Variants in TLN2 observed in about 807,000 individuals in gnomAD.
TLN2 encodes the protein talin-2.
Under a neutral mutation model 294.7 loss-of-function variants are expected in TLN2, and 118 were observed. That is an observed-to-expected ratio of 0.40 (90% confidence interval 0.34 to 0.47). The LOEUF is 0.47. Among genes scored for constraint, TLN2 ranks in the 20% least tolerant of loss-of-function variants. The pLI is 0.84. For missense variants in TLN2, 3,083 were observed against 3,282.2 expected, an observed-to-expected ratio of 0.94 and a Z score of 1.48; for synonymous variants, 1,431 against 1,304.5, an observed-to-expected ratio of 1.10 and a Z score of -2.09.
At chr15:62,442,849 C>T (rs908816359) in intron 1 of TLN2, among the ~76,000 whole-genome samples, 5 of 152,152 alleles carry the variant, frequency 3.3e-5, no homozygotes, top group East Asian at 3.9e-4. Context: ...CTGTGATTTT[C>T]CTGGCGGCTC....
chr15:62,698,345 A>G (rs1209265002), intron 15 of TLN2, among the ~76,000 whole-genome samples: 1 of 152,236 alleles, frequency 6.6e-6, no homozygotes, highest in African/African-American at 2.4e-5. Flanking sequence ...CTGAAAAAGT[A>G]CATTGACCGT....
chr15:62,712,563 T>TA (rs5813161), intron 22 of TLN2, among the ~76,000 whole-genome samples: 144,046 of 152,244 alleles, frequency 0.95, 68,601 homozygotes, highest in Non-Finnish European at 1. Flanking sequence ...AGTTAAGAGT[T>TA]CCTTTATGCT....
At chr15:62,498,865 G>A (rs2039154877) in intron 1 of TLN2, among the ~76,000 whole-genome samples, 1 of 152,120 alleles carries the variant, frequency 6.6e-6, no homozygotes, top group African/African-American at 2.4e-5. Context: ...AACTATTAAA[G>A]GAATTTACCC....
At position 62,843,551 on chromosome 15, in the gene TLN2, G is replaced by C. The variant is rs1005393934; in HGVS notation, c.*2941G>C. On this transcript the variant is annotated 3_prime_UTR_variant, in exon 59 of 59. Coordinates refer to ENST00000636159, the MANE Select transcript of TLN2 (RefSeq NM_015059.3). ...TGCCCAGCCTGCAGTCTATGCACGG[G>C]CCTTAAGAAATGAGCTGCCTGTAGC... 1.3e-5 allele frequency: 2 copies of C among 152,220 alleles called. No homozygotes were observed. The highest frequency in any genetic ancestry group is 4.8e-5 in the African/African-American group (2 of 41,458). The allele number at this position is 152,220 out of a possible 1,614,324, so 9.4% of individuals were successfully genotyped here. A position where few individuals can be genotyped will look rare whatever the true frequency, so the allele number is the denominator to read the frequency against.
chr15:62,761,794 C>T lies in TLN2; in HGVS notation c.4752C>T (p.Val1584=). The stretch of plus-strand genomic sequence containing the variant: ...CGTTCGCCTCAAACCCTGAGTTTGT[C>T]AGCATTCCTGCCCAGATCAGCTCCG... ...LTAFASNPEF[V]SIPAQISSEG... Residue 1584 remains valine, a synonymous_variant, in exon 38 of 59, where the codon GTC becomes GTT. Coordinates refer to ENST00000636159, the MANE Select transcript of TLN2 (RefSeq NM_015059.3). The T allele has an allele frequency of 6.2e-7, 1 of 1,614,162 alleles. No homozygotes were observed. The highest frequency in any genetic ancestry group is 8.5e-7 in the Non-Finnish European group (1 of 1,180,032).
At chr15:62,643,398 T>G (rs1431171296) in intron 3 of TLN2, among the ~76,000 whole-genome samples, 1 of 141,650 alleles carries the variant, frequency 7.1e-6, no homozygotes, top group Non-Finnish European at 1.5e-5. Flanking sequence ...ATTAGTTTGG[T>G]TCCAGGATTT....
chr15:62,637,350 G>GT (rs2050484426), intron 3 of TLN2: 2 of 152,186 alleles, frequency 1.3e-5, no homozygotes, highest in African/African-American at 4.8e-5. Flanking sequence ...TCTGAAGCTT[G>GT]TAACAAGAGG....
At chr15:62,811,087 T>C (rs188051749) in intron 52 of TLN2, among the ~76,000 whole-genome samples, 2 of 152,252 alleles carry the variant, frequency 1.3e-5, no homozygotes, top group Non-Finnish European at 2.9e-5. Flanking sequence ...TCTCAATTCT[T>C]ACTATTCCCA....
At chr15:62,547,750 C>T (rs928496732) in intron 1 of TLN2, among the ~76,000 whole-genome samples, 1 of 152,210 alleles carries the variant, frequency 6.6e-6, no homozygotes, top group African/African-American at 2.4e-5. Flanking sequence ...CTTCAGCAAT[C>T]TGCAAATGGA....
intron 1 of TLN2, among the ~76,000 whole-genome samples, chr15:62,538,931 CA>C (rs544558747): frequency 5.9e-4 from 90 of 152,282 alleles, no homozygotes; most frequent in African/African-American, 1.9e-3. Flanking sequence ...CATAATAAAA[CA>C]TCTCTGTTCT....
chr15:62,515,306 T>C (rs1374467418), intron 1 of TLN2, among the ~76,000 whole-genome samples: 3 of 152,206 alleles, frequency 2.0e-5, no homozygotes, highest in African/African-American at 7.2e-5. Context: ...GACTGGTTTG[T>C]TCATTTTTAT....
chr15:62,665,062 C>A (rs950428679), intron 9 of TLN2, among the ~76,000 whole-genome samples: 5 of 152,010 alleles, frequency 3.3e-5, no homozygotes, highest in Admixed American at 1.3e-4. Flanking sequence ...GTTTCACACT[C>A]AACTATTTTT....
At chr15:62,416,288 C>T (rs2140263342) in intron 1 of TLN2, among the ~76,000 whole-genome samples, 1 of 152,306 alleles carries the variant, frequency 6.6e-6, no homozygotes, top group African/African-American at 2.4e-5. Flanking sequence ...CAGAGCAAGA[C>T]TCTATCTCAA....
intron 1 of TLN2, among the ~76,000 whole-genome samples, chr15:62,588,985 T>G (rs1440707725): frequency 6.6e-6 from 1 of 152,044 alleles, no homozygotes; most frequent in Admixed American, 6.6e-5. Flanking sequence ...CAACACCATT[T>G]GTTAACTAGT....
Position 62,774,953 on chromosome 15 carries a change from C to CTT in TLN2, c.5368-1791_5368-1790dup, listed in dbSNP as rs36003657. On this transcript the variant is annotated intron_variant, in intron 42 of 58. Coordinates refer to ENST00000636159, the MANE Select transcript of TLN2 (RefSeq NM_015059.3). Reference sequence around the variant, plus strand: ...TCATATGAATGTGTAGAATTGCTGGCTTTTTTTTTTTTTTTTTTTTTGAGA... The same window carrying CTT: ...TCATATGAATGTGTAGAATTGCTGGCTTTTTTTTTTTTTTTTTTTTTTTGAGA... Among the ~76,000 whole-genome samples, 915 of 101,486 alleles carry CTT rather than the reference C, an allele frequency of 9.0e-3. 28 individuals carry two copies. The highest frequency in any genetic ancestry group is 0.012 in the Non-Finnish European group (626 of 50,186). 66.6% of individuals were successfully genotyped at this position (101,486 alleles called of 152,430 possible).
intron 3 of TLN2, among the ~76,000 whole-genome samples, chr15:62,640,922 C>G (rs1227235362): frequency 6.6e-6 from 1 of 152,128 alleles, no homozygotes; most frequent in Non-Finnish European, 1.5e-5. Flanking sequence ...CTGCCTCAGC[C>G]TCCTGGGTGG....
At chr15:62,559,431 A>G (rs1344249816) in intron 1 of TLN2, among the ~76,000 whole-genome samples, 2 of 152,140 alleles carry the variant, frequency 1.3e-5, no homozygotes, top group Non-Finnish European at 2.9e-5. Context: ...CCTACTCTTC[A>G]TGGCCAAATT....
intron 1 of TLN2, among the ~76,000 whole-genome samples, chr15:62,447,697 G>C (rs989500279): frequency 3.3e-5 from 5 of 152,008 alleles, no homozygotes; most frequent in African/African-American, 9.7e-5. Flanking sequence ...GTTTCACTGA[G>C]TTAGCCAGGA....
chr15:62,780,390 AC>A (rs1227036500), intron 43 of TLN2, among the ~76,000 whole-genome samples: 1 of 152,140 alleles, frequency 6.6e-6, no homozygotes, highest in Non-Finnish European at 1.5e-5. Flanking sequence ...TTTTACTGTA[AC>A]CATGTGATGC....
Sources: allele counts gnomAD v4.1 joint callset (sites outside exome capture counted in the v4.1 genomes callset), GRCh38; gene constraint gnomAD v4.1.1; transcripts MANE v1.5; gene names NCBI Gene and HGNC (gene_info 2026-07-23, HGNC 2026-07-21).